Variants in TBCK observed in about 807,000 individuals in gnomAD.
TBCK encodes TBC domain-containing protein kinase-like protein.
In TBCK, 99 loss-of-function variants were observed where a neutral mutation model predicts 113.4. The ratio of observed to expected loss-of-function variants is 0.87; its 90% CI spans 0.74 to 1.03. TBCK has a LOEUF of 1.03. Ranked by LOEUF, TBCK falls within the 50% of genes least tolerant of loss-of-function variation. The pLI, the probability that TBCK is intolerant of heterozygous loss-of-function variation, is 0.00. For synonymous variants in TBCK, 369 were observed against 370.8 expected, an observed-to-expected ratio of 1.00 and a Z score of 0.05; for missense variants, 1,045 against 1,061.3, an observed-to-expected ratio of 0.98 and a Z score of 0.21.
chr4:106,178,028 A>C (rs1751892778), intron 22 of TBCK, among the ~76,000 whole-genome samples: 1 of 151,622 alleles, frequency 6.6e-6, no homozygotes, highest in Admixed American at 6.6e-5. Context: ...CTCATTGTGG[A>C]GATCTCTCAC....
At chr4:106,057,738 A>G (rs1735591503) in intron 25 of TBCK, among the ~76,000 whole-genome samples, 1 of 151,716 alleles carries the variant, frequency 6.6e-6, no homozygotes, top group Non-Finnish European at 1.5e-5. Flanking sequence ...CTTAGATGAA[A>G]TTTCTTCCTT....
chr4:106,138,981 T>C (rs1299162271), intron 23 of TBCK, among the ~76,000 whole-genome samples: 1 of 140,744 alleles, frequency 7.1e-6, no homozygotes, highest in Non-Finnish European at 1.6e-5. Context: ...AGAACTGATG[T>C]TTTCATCTCA....
intron 20 of TBCK, among the ~76,000 whole-genome samples, chr4:106,204,659 G>C (rs1389094321): frequency 6.6e-6 from 1 of 151,890 alleles, no homozygotes; most frequent in East Asian, 1.9e-4. Flanking sequence ...AGTACAAAGA[G>C]GTAAAGCACT....
At chr4:106,155,096 C>T (rs1249560388) in intron 23 of TBCK, among the ~76,000 whole-genome samples, 2 of 151,502 alleles carry the variant, frequency 1.3e-5, no homozygotes, top group Non-Finnish European at 2.9e-5. Flanking sequence ...TTTTATTTCT[C>T]ATTCATGTTT....
At chr4:106,084,727 C>A (rs1739299940) in intron 25 of TBCK, among the ~76,000 whole-genome samples, 1 of 152,220 alleles carries the variant, frequency 6.6e-6, no homozygotes, top group Non-Finnish European at 1.5e-5. Flanking sequence ...GCCCATCAGA[C>A]TAACAGCGGA....
chr4:106,161,781 A>G (rs1749825969), intron 23 of TBCK, among the ~76,000 whole-genome samples: 1 of 150,800 alleles, frequency 6.6e-6, no homozygotes, highest in Non-Finnish European at 1.5e-5. Flanking sequence ...AAAAAAAGAG[A>G]GAAGTTTGGG....
At chr4:106,262,291 T>A in intron 3 of TBCK, 79 bp from the exon 4 acceptor site, 1 of 696,634 alleles carries the variant, frequency 1.4e-6, no homozygotes, top group Admixed American at 2.9e-5. Flanking sequence ...TGTGACCTAG[T>A]GAAAATATTC....
At chr4:106,251,446 C>T (rs185943084) in intron 6 of TBCK, among the ~76,000 whole-genome samples, 1 of 151,670 alleles carries the variant, frequency 6.6e-6, no homozygotes, top group East Asian at 1.9e-4. Context: ...CAAATCAGAA[C>T]TACAGGTAGA....
intron 24 of TBCK, among the ~76,000 whole-genome samples, chr4:106,108,507 C>G (rs1742449169): frequency 1.3e-5 from 2 of 152,144 alleles, no homozygotes. Flanking sequence ...AAGACAGAAA[C>G]TACATAATTA....
At chr4:106,104,049 G>A (rs779680547) in intron 24 of TBCK, among the ~76,000 whole-genome samples, 20 of 152,178 alleles carry the variant, frequency 1.3e-4, no homozygotes, top group East Asian at 1.9e-4. Flanking sequence ...TCAGTCTGAC[G>A]GACAGAGCTA....
intron 23 of TBCK, among the ~76,000 whole-genome samples, chr4:106,145,918 A>G (rs1747737463): frequency 6.6e-6 from 1 of 152,196 alleles, no homozygotes. Context: ...GGTTGTAGAG[A>G]AAAGGGAACA....
At chr4:106,252,383 T>C (rs1209568868) in intron 5 of TBCK, among the ~76,000 whole-genome samples, 2 of 147,516 alleles carry the variant, frequency 1.4e-5, no homozygotes, top group African/African-American at 2.4e-5. Flanking sequence ...AAAGTATTTA[T>C]TTTTAGTAGT....
chr4:106,077,665 G>A (rs1738366219), intron 25 of TBCK, among the ~76,000 whole-genome samples: 1 of 152,018 alleles, frequency 6.6e-6, no homozygotes, highest in Non-Finnish European at 1.5e-5. Flanking sequence ...CATAAAAAAG[G>A]TTCTTAGAGA....
intron 1 of TBCK, among the ~76,000 whole-genome samples, chr4:106,311,906 T>C (rs1484956731): frequency 1.3e-5 from 2 of 152,166 alleles, no homozygotes; most frequent in Non-Finnish European, 2.9e-5. Flanking sequence ...CTTCTACTGA[T>C]ACATCCACAA....
At chr4:106,095,691 G>T (rs756130434) in intron 24 of TBCK, 50 bp from the exon 25 acceptor site, 2 of 1,539,598 alleles carry the variant, frequency 1.3e-6, no homozygotes, top group Non-Finnish European at 1.8e-6. Context: ...AATCCTGAGT[G>T]TCTGAGGGAA....
intron 24 of TBCK, among the ~76,000 whole-genome samples, chr4:106,112,841 A>G (rs1434093255): frequency 6.6e-6 from 1 of 152,186 alleles, no homozygotes; most frequent in Non-Finnish European, 1.5e-5. Context: ...TTTTTCCACC[A>G]AAACTGGAGA....
At chr4:106,172,922 G>A (rs1751204829) in intron 22 of TBCK, among the ~76,000 whole-genome samples, 1 of 152,108 alleles carries the variant, frequency 6.6e-6, no homozygotes, top group Non-Finnish European at 1.5e-5. Flanking sequence ...GATTTGTTAA[G>A]TATGTTACTA....
intron 17 of TBCK, among the ~76,000 whole-genome samples, chr4:106,232,422 T>C (rs1400344285): frequency 6.6e-6 from 1 of 151,570 alleles, no homozygotes; most frequent in Non-Finnish European, 1.5e-5. Context: ...CATTCAAAAA[T>C]AGGGTTGGAA....
chr4:106,096,582 T>A (rs138795966), intron 24 of TBCK, among the ~76,000 whole-genome samples: 1 of 152,334 alleles, frequency 6.6e-6, no homozygotes, highest in East Asian at 1.9e-4. Context: ...GCCCACCTGC[T>A]GTTTTCTTGT....
Sources: allele counts gnomAD v4.1 joint callset (sites outside exome capture counted in the v4.1 genomes callset), GRCh38; gene constraint gnomAD v4.1.1; transcripts MANE v1.5; gene names NCBI Gene and HGNC (gene_info 2026-07-23, HGNC 2026-07-21).